The following ALMS1 variants were observed in gnomAD, a reference collection of about 807,000 sequenced individuals.
ALMS1 encodes the protein ALMS1 centrosome and basal body associated protein, also known as centrosome-associated protein ALMS1.
ALMS1 carries 271 observed loss-of-function variants against 352.2 expected under a neutral mutation model. The observed-to-expected ratio is 0.77, with a 90% CI of 0.70 to 0.85. ALMS1 has a LOEUF of 0.85. ALMS1 is among the 40% of genes least tolerant of loss of function. The probability of loss-of-function intolerance (pLI) is 0.00; values close to 1 mark genes in which losing one functional copy is unlikely to be tolerated. For synonymous variants in ALMS1, 1,865 were observed against 1,761.2 expected (o/e 1.06, Z -1.48); for missense variants, 5,445 against 4,870.7 (o/e 1.12, Z -3.51).
At chr2:73,519,283 T>G (rs931159602) in intron 10 of ALMS1, among the ~76,000 whole-genome samples, 1 of 152,162 alleles carries the variant, frequency 6.6e-6, no homozygotes, top group African/African-American at 2.4e-5. Flanking sequence ...TTCTTTCCAA[T>G]TATTTATGTG....
intron 9 of ALMS1, among the ~76,000 whole-genome samples, chr2:73,469,345 C>A (rs544397329): frequency 2.0e-5 from 3 of 151,732 alleles, no homozygotes; most frequent in African/African-American, 7.3e-5. Flanking sequence ...TAGATTTGGA[C>A]CTTGGAAAAA....
intron 12 of ALMS1, among the ~76,000 whole-genome samples, chr2:73,548,171 CAT>C (rs1156635203): frequency 6.6e-6 from 1 of 152,124 alleles, no homozygotes; most frequent in African/African-American, 2.4e-5. Flanking sequence ...TTAATTTACA[CAT>C]GTTAAGGTAA....
At position 73,602,190 on chromosome 2, in the gene ALMS1, G is replaced by T; in HGVS notation, c.12120G>T (p.Ser4040=). 6.2e-7 allele frequency: 1 copy of T among 1,613,490 alleles called. No individual in the cohort carries two copies. ...RPFVRATLQE[S]LQFHRPDFIS... ...CTCTTTTTTTTTTCTTTTAGGAATCGCTTCAGTTTCACAGACCTGACTTCA... is the reference window on the plus strand; with the variant it reads ...CTCTTTTTTTTTTCTTTTAGGAATCTCTTCAGTTTCACAGACCTGACTTCA... Residue 4040 remains serine (S), a synonymous_variant, in exon 20 of 23, where the codon TCG becomes TCT. Transcript: ENST00000613296.
intron 13 of ALMS1, among the ~76,000 whole-genome samples, chr2:73,555,153 A>G (rs1442855878): frequency 6.6e-6 from 1 of 152,208 alleles, no homozygotes; most frequent in Non-Finnish European, 1.5e-5. Flanking sequence ...TAAAATATTT[A>G]TGGAAAATCA....
chr2:73,533,633 A>G lies in ALMS1; in HGVS notation c.9782-1191A>G, dbSNP rs574671278. Among the ~76,000 whole-genome samples, 22 of 152,304 alleles carry G rather than the reference A, an allele frequency of 1.4e-4. No individual in the cohort carries two copies. The South Asian group carries it at 4.3e-3, about 30-fold the overall frequency. On this transcript the variant is annotated intron_variant, in intron 11 of 22. Coordinates refer to ENST00000613296, the MANE Select transcript of ALMS1 (RefSeq NM_001378454.1). ...GGAGATTGGAAGTGTATATAGATGT[A>G]TAGGTGTAAGGAGGTAGGGAAGTTG...
chr2:73,604,587 T>G (rs17349853), intron 21 of ALMS1, among the ~76,000 whole-genome samples: 7,854 of 152,248 alleles, frequency 0.052, 313 homozygotes, highest in Non-Finnish European at 0.08. Context: ...TCTCATGAAC[T>G]TTAAGCATTC....
chr2:73,476,127 T>C (rs1038731602), intron 9 of ALMS1, among the ~76,000 whole-genome samples: 1 of 152,134 alleles, frequency 6.6e-6, no homozygotes, highest in African/African-American at 2.4e-5. Context: ...AGGTACCTTA[T>C]AGTAGCAGAA....
At chr2:73,487,884 A>G (rs902844002) in intron 9 of ALMS1, among the ~76,000 whole-genome samples, 9 of 152,030 alleles carry the variant, frequency 5.9e-5, no homozygotes, top group African/African-American at 1.7e-4. Context: ...CATAATCTGC[A>G]TCTTTCAGCA....
chr2:73,460,903 C>A (rs767565181), intron 9 of ALMS1, among the ~76,000 whole-genome samples: 2 of 152,232 alleles, frequency 1.3e-5, no homozygotes, highest in African/African-American at 4.8e-5. Context: ...GGGCGCCTGC[C>A]ATTGTGCAGG....
intron 1 of ALMS1, among the ~76,000 whole-genome samples, chr2:73,389,099 A>G (rs949892488): frequency 1.3e-5 from 2 of 152,140 alleles, no homozygotes; most frequent in Non-Finnish European, 2.9e-5. Context: ...ATCCTTGCCA[A>G]CATCTGTTTT....
intron 12 of ALMS1, among the ~76,000 whole-genome samples, chr2:73,539,468 C>A (rs1228864384): frequency 6.6e-6 from 1 of 152,136 alleles, no homozygotes; most frequent in Non-Finnish European, 1.5e-5. Flanking sequence ...ATCGGAGCGC[C>A]TCTCCTCCTC....
chr2:73,424,865 G>T lies in ALMS1; in HGVS notation c.1200G>T (p.Gln400His). ...GTTCATATGGGCAGTATTGGACACA[G>T]GAAGATTCATCTAAGCAGGCAGAAA... ...AARSYGQYWT[Q>H]EDSSKQAETY... is the part of the protein sequence containing the mutation. Residue 400 changes from glutamine to histidine, a missense_variant, in exon 5 of 23, where the codon CAG becomes CAT. By Grantham distance (24) the Gln-to-His change is conservative. Coordinates refer to ENST00000613296, the MANE Select transcript of ALMS1 (RefSeq NM_001378454.1). The T allele has an allele frequency of 6.2e-7, 1 of 1,604,558 alleles. No individual in the cohort carries two copies. Among genetic ancestry groups the T allele is most frequent in the Non-Finnish European group, 8.5e-7 (1 of 1,174,636 alleles).
At chr2:73,558,293 T>G (rs894370090) in intron 14 of ALMS1, among the ~76,000 whole-genome samples, 35 of 152,228 alleles carry the variant, frequency 2.3e-4, no homozygotes, top group African/African-American at 8.2e-4. Flanking sequence ...TAGAACATGA[T>G]TAGCTGCTTC....
At position 73,448,705 on chromosome 2, in the gene ALMS1, C is replaced by T; in HGVS notation, c.2178C>T (p.Tyr726=). Residue 726 remains tyrosine (Y), a synonymous_variant, in exon 8 of 23, where the codon TAC becomes TAT. Coordinates refer to ENST00000613296, the MANE Select transcript of ALMS1 (RefSeq NM_001378454.1). The stretch of plus-strand genomic sequence containing the variant: ...ATAGAGAGAAGCCTGGTATTTTTTA[C>T]CAACAAGAGTTCGCAGACAGTCATC... ...HSHREKPGIF[Y]QQEFADSHQT... is the part of the protein sequence containing the mutation. 1 of 1,604,964 alleles carries T rather than the reference C, an allele frequency of 6.2e-7. No homozygotes were observed. Among genetic ancestry groups the T allele is most frequent in the Non-Finnish European group, 8.5e-7 (1 of 1,173,894 alleles).
intron 1 of ALMS1, among the ~76,000 whole-genome samples, chr2:73,407,037 T>C (rs978445394): frequency 6.6e-6 from 1 of 152,238 alleles, no homozygotes; most frequent in Non-Finnish European, 1.5e-5. Flanking sequence ...CTTATAACAA[T>C]ACTTGAAACT....
chr2:73,517,246 C>CTTTTTTGTTTTTTTTTTTT (rs1673578117), intron 10 of ALMS1, among the ~76,000 whole-genome samples: 1 of 105,000 alleles, frequency 9.5e-6, no homozygotes, highest in African/African-American at 4.7e-5. Context: ...AAGTTTTAGT[C>CTTTTTTGTTTTTTTTTTTT]TTTTTTTTTT....
chr2:73,608,364 T>C lies in ALMS1; in HGVS notation c.12363-111T>C, dbSNP rs1424514169. On this transcript the variant is annotated intron_variant, in intron 21 of 22. Coordinates refer to ENST00000613296, the MANE Select transcript of ALMS1 (RefSeq NM_001378454.1). Reference sequence around the variant, plus strand: ...GGGCCCAGGGCCTTTCTGAGAGGGATGAGCTCCTGGAGAGTGGGAGGTATA... The same window carrying C: ...GGGCCCAGGGCCTTTCTGAGAGGGACGAGCTCCTGGAGAGTGGGAGGTATA... The C allele has an allele frequency of 9.2e-6, 8 of 866,216 alleles. No homozygotes were observed. In the African/African-American group the frequency reaches 1.3e-4, roughly 14 times the overall value. 53.7% of individuals were successfully genotyped at this position (866,216 alleles called of 1,614,324 possible). A position where few individuals can be genotyped will look rare whatever the true frequency, so the allele number is the denominator to read the frequency against.
chr2:73,389,684 G>T (rs1239293102), intron 1 of ALMS1, among the ~76,000 whole-genome samples: 1 of 151,972 alleles, frequency 6.6e-6, no homozygotes, highest in Non-Finnish European at 1.5e-5. Context: ...GTTTAATAAT[G>T]AACTATCTTT....
rs55889738 is a variant in ALMS1, at chr2:73,385,903, TGGAGGAGGA to T, written c.66_74del (p.Glu26_Glu28del). ...GAGGATCTGCCATGGCCGGGCGAGC[TGGAGGAGGA>T]GGAGGAGGAGGAGGAGGAGGAGGAG... On this transcript the variant is annotated inframe_deletion, in exon 1 of 23. Coordinates refer to ENST00000613296, the MANE Select transcript of ALMS1 (RefSeq NM_001378454.1). 0.013 allele frequency: 8,683 copies of T among 672,168 alleles called. 48 individuals carry two copies. Among genetic ancestry groups the T allele is most frequent in the Non-Finnish European group, 0.016 (6,178 of 384,938 alleles). The allele number at this position is 672,168 out of a possible 1,614,324, so 41.6% of individuals were successfully genotyped here. A position where few individuals can be genotyped will look rare whatever the true frequency, so the allele number is the denominator to read the frequency against.
Sources: gnomAD v4.1 joint callset for allele counts (sites outside exome capture counted in the v4.1 genomes callset) on GRCh38, gnomAD v4.1.1 for gene constraint, MANE v1.5 for transcripts, NCBI Gene and HGNC (gene_info 2026-07-23, HGNC 2026-07-21) for gene names.